The following SMAD9 variants were observed in gnomAD, a reference collection of about 807,000 sequenced individuals.
SMAD9 encodes SMAD family member 9, also known as MAD homolog 9.
In SMAD9, 36 loss-of-function variants were observed where a neutral mutation model predicts 46.1. The observed-to-expected ratio is 0.78, with a 90% CI of 0.60 to 1.03. The LOEUF is 1.03. Among genes scored for constraint, SMAD9 ranks in the 50% least tolerant of loss-of-function variants. The probability of loss-of-function intolerance (pLI) is 0.00; values close to 1 mark genes in which losing one functional copy is unlikely to be tolerated. For synonymous variants in SMAD9, 245 were observed against 237.1 expected (o/e 1.03, Z -0.31); for missense variants, 572 against 599.8 (o/e 0.95, Z 0.48).
intron 1 of SMAD9, among the ~76,000 whole-genome samples, chr13:36,909,307 A>C (rs1027137992): frequency 6.6e-6 from 1 of 152,182 alleles, no homozygotes; most frequent in Non-Finnish European, 1.5e-5. Context: ...GGGTCACTTA[A>C]GGTAGGTTTA....
intron 1 of SMAD9, among the ~76,000 whole-genome samples, chr13:36,882,141 C>CA (rs1370935965): frequency 6.6e-6 from 1 of 151,222 alleles, no homozygotes; most frequent in Non-Finnish European, 1.5e-5. Flanking sequence ...AACAACAAAA[C>CA]AAAACAGACT....
chr13:36,916,061 A>G (rs1006919284), intron 1 of SMAD9, among the ~76,000 whole-genome samples: 6 of 152,258 alleles, frequency 3.9e-5, no homozygotes, highest in African/African-American at 1.4e-4. Flanking sequence ...ATTCTGCCTG[A>G]CGAGGCTGAT....
intron 1 of SMAD9, among the ~76,000 whole-genome samples, chr13:36,902,264 GTT>G (rs1252603900): frequency 2.0e-5 from 3 of 152,056 alleles, no homozygotes; most frequent in Admixed American, 6.6e-5. Context: ...GAACTGGACT[GTT>G]TTCCATTGAA....
In SMAD9 at chr13:36,910,948, T is replaced by C. The variant is rs184298309; in HGVS notation, c.-187+9168A>G. The stretch of plus-strand genomic sequence containing the variant: ...GCATGCAGGAGGCCATCAATAAATG[T>C]TGAATGAATGAAAGTAAAATCCAGT... On this transcript the variant is annotated intron_variant, in intron 1 of 6. Coordinates refer to ENST00000379826, the MANE Select transcript of SMAD9 (RefSeq NM_001127217.3). Among the ~76,000 whole-genome samples the C allele has an allele frequency of 2.0e-5, 3 of 152,302 alleles. No individual in the cohort carries two copies. In the East Asian group the frequency reaches 5.8e-4, roughly 29 times the overall value.
At chr13:36,889,021 T>C (rs1164987070) in intron 1 of SMAD9, among the ~76,000 whole-genome samples, 1 of 152,012 alleles carries the variant, frequency 6.6e-6, no homozygotes, top group South Asian at 2.1e-4. Context: ...GTCAGAAAAA[T>C]CACAATAGGA....
intron 1 of SMAD9, among the ~76,000 whole-genome samples, chr13:36,892,030 C>G (rs2058492386): frequency 1.3e-5 from 2 of 152,140 alleles, no homozygotes; most frequent in South Asian, 4.1e-4. Flanking sequence ...GAAAAACACA[C>G]AGAAAATGAC....
intron 6 of SMAD9, chr13:36,852,052 T>C: frequency 1.0e-6 from 1 of 965,658 alleles, no homozygotes. Context: ...TCGAAGTTAT[T>C]TGTTAATATA....
At chr13:36,894,368 G>A (rs144600739) in intron 1 of SMAD9, among the ~76,000 whole-genome samples, 3 of 152,134 alleles carry the variant, frequency 2.0e-5, no homozygotes, top group African/African-American at 4.8e-5. Context: ...CTTGTCTGCC[G>A]CCATGAAAGA....
chr13:36,907,362 A>AT (rs2058627719), intron 1 of SMAD9, among the ~76,000 whole-genome samples: 1 of 152,204 alleles, frequency 6.6e-6, no homozygotes, highest in African/African-American at 2.4e-5. Context: ...CCACTGAACT[A>AT]TATGACTAAA....
intron 1 of SMAD9, among the ~76,000 whole-genome samples, chr13:36,911,154 C>T (rs767106044): frequency 2.0e-5 from 3 of 151,996 alleles, no homozygotes; most frequent in Non-Finnish European, 2.9e-5. Flanking sequence ...TACAGGCACG[C>T]CCCACCAAGA....
intron 1 of SMAD9, among the ~76,000 whole-genome samples, chr13:36,892,105 A>C (rs1357214840): frequency 1.3e-5 from 2 of 152,218 alleles, no homozygotes; most frequent in African/African-American, 4.8e-5. Flanking sequence ...AAATGTACAT[A>C]AAATGGTATT....
At chr13:36,893,065 G>A (rs1459497428) in intron 1 of SMAD9, among the ~76,000 whole-genome samples, 1 of 152,030 alleles carries the variant, frequency 6.6e-6, no homozygotes, top group Non-Finnish European at 1.5e-5. Flanking sequence ...AGAAATAGTT[G>A]GTTCAAGAAC....
At chr13:36,864,524 G>C (rs2058213357) in intron 5 of SMAD9, among the ~76,000 whole-genome samples, 1 of 152,098 alleles carries the variant, frequency 6.6e-6, no homozygotes, top group South Asian at 2.1e-4. Context: ...ACCCGTTTCT[G>C]ATTTTCTATT....
chr13:36,919,797 G>A (rs1327846433), intron 1 of SMAD9, among the ~76,000 whole-genome samples: 1 of 150,570 alleles, frequency 6.6e-6, no homozygotes, highest in African/African-American at 2.4e-5. Context: ...CAACTCCCCA[G>A]AGCAGTCCCC....
chr13:36,874,421 G>A (rs2058325478), intron 2 of SMAD9, among the ~76,000 whole-genome samples: 1 of 152,170 alleles, frequency 6.6e-6, no homozygotes, highest in Non-Finnish European at 1.5e-5. Flanking sequence ...GAAGTCAACA[G>A]ACCAATGCCC....
At chr13:36,875,591 C>T (rs1469761136) in intron 2 of SMAD9, among the ~76,000 whole-genome samples, 1 of 152,134 alleles carries the variant, frequency 6.6e-6, no homozygotes, top group Non-Finnish European at 1.5e-5. Context: ...GATTATGTGC[C>T]TCATGAATAG....
intron 1 of SMAD9, among the ~76,000 whole-genome samples, chr13:36,901,404 G>C (rs1263214715): frequency 6.7e-6 from 1 of 150,304 alleles, no homozygotes; most frequent in African/African-American, 2.4e-5. Context: ...ATCACTGTGG[G>C]TTTGGCTTCT....
At chr13:36,878,192 A>G (rs2058364551) in intron 2 of SMAD9, among the ~76,000 whole-genome samples, 1 of 151,498 alleles carries the variant, frequency 6.6e-6, no homozygotes, top group African/African-American at 2.4e-5. Context: ...ACACACACAC[A>G]CAGGGGTGTG....
At chr13:36,860,197 T>G (rs1041460187) in intron 5 of SMAD9, among the ~76,000 whole-genome samples, 1 of 152,154 alleles carries the variant, frequency 6.6e-6, no homozygotes, top group Non-Finnish European at 1.5e-5. Flanking sequence ...AGGAGCTGAC[T>G]GGTGAAATCC....
Sources: gnomAD v4.1 joint callset for allele counts (sites outside exome capture counted in the v4.1 genomes callset) on GRCh38, gnomAD v4.1.1 for gene constraint, MANE v1.5 for transcripts, NCBI Gene and HGNC (gene_info 2026-07-23, HGNC 2026-07-21) for gene names.